The following NAV1 variants were observed in gnomAD, a reference collection of about 807,000 sequenced individuals.
NAV1 encodes pore membrane and/or filament interacting like protein 3.
In NAV1, 18 loss-of-function variants were observed where a neutral mutation model predicts 175.2. The observed-to-expected ratio is 0.10, with a 90% CI of 0.07 to 0.15. The LOEUF is 0.15. NAV1 is among the 10% of genes least tolerant of loss of function. The probability of loss-of-function intolerance (pLI) is 1.00; values close to 1 mark genes in which losing one functional copy is unlikely to be tolerated. For missense variants in NAV1, 1,731 were observed against 2,436.6 expected, an observed-to-expected ratio of 0.71 and a Z score of 6.10; for synonymous variants, 897 against 978.7, an observed-to-expected ratio of 0.92 and a Z score of 1.56.
At chr1:201,576,919 C>G (rs1666707874) in intron 1 of NAV1, among the ~76,000 whole-genome samples, 1 of 152,188 alleles carries the variant, frequency 6.6e-6, no homozygotes, top group Non-Finnish European at 1.5e-5. Context: ...CTTATTTAGA[C>G]ATCTCTTTGG....
chr1:201,608,146 T>C (rs1235587397), intron 2 of NAV1, among the ~76,000 whole-genome samples: 2 of 152,200 alleles, frequency 1.3e-5, no homozygotes, highest in African/African-American at 4.8e-5. Context: ...TTTCCACCTC[T>C]ACAGCAATTC....
chr1:201,616,540 T>A (rs953170437), intron 2 of NAV1, among the ~76,000 whole-genome samples: 3 of 151,990 alleles, frequency 2.0e-5, no homozygotes, highest in Non-Finnish European at 4.4e-5. Flanking sequence ...CAGGCTGGAG[T>A]GCAATAGCGC....
chr1:201,807,701 T>C lies in NAV1; in HGVS notation c.3649-252T>C, dbSNP rs1678389079. On this transcript the variant is annotated intron_variant, in intron 17 of 29. Coordinates refer to ENST00000367296, the Ensembl canonical transcript of NAV1. This position sits in a 1 kb window ranked among gnomAD's most constrained non-coding sequence, Gnocchi z 5.4. ...TTTCTTTCTTTCTTTTGAGATGGAG[T>C]CTCACTCTGTTGCCAGGCTGGAGTG... Among the ~76,000 whole-genome samples the C allele has an allele frequency of 6.6e-6, 1 of 152,098 alleles. No homozygotes were observed. Among genetic ancestry groups the C allele is most frequent in the Admixed American group, 6.5e-5 (1 of 15,270 alleles).
chr1:201,807,961 T>C lies in NAV1; in HGVS notation c.3657T>C (p.Ser1219=). 6.2e-7 allele frequency: 1 copy of C among 1,614,152 alleles called. No homozygotes were observed. The highest frequency in any genetic ancestry group is 1.7e-4 in the Middle Eastern group (1 of 6,058). ...GATCTGCTTTTTTCTAGCTTCGAAG[T>C]TCCTTCAACAAAGCGTTCAGTATAA... is the stretch of plus-strand genomic sequence containing the variant. The change falls in exon 18 of 30, where the codon AGT becomes AGC. Residue 1219 remains serine, a synonymous_variant. Transcript: ENST00000367296. The surrounding 1 kb of genome is among the most constrained non-coding windows in gnomAD (Gnocchi z 5.4).
At chr1:201,582,600 G>C (rs1666899647) in intron 1 of NAV1, among the ~76,000 whole-genome samples, 1 of 152,224 alleles carries the variant, frequency 6.6e-6, no homozygotes, top group Admixed American at 6.5e-5. Context: ...GAAGAGCTGG[G>C]GAATGGTGAG....
intron 15 of NAV1, chr1:201,798,695 C>CTTTTTTTTTTTTTTT (rs764483919): frequency 5.8e-5 from 4 of 69,476 alleles, no homozygotes; most frequent in African/African-American, 1.2e-4. Context: ...TTTTCTCTCT[C>CTTTTTTTTTTTTTTT]TTTTTTTTTT....
At chr1:201,707,229 G>A (rs1671706706) in intron 1 of NAV1, among the ~76,000 whole-genome samples, 1 of 152,168 alleles carries the variant, frequency 6.6e-6, no homozygotes, top group Non-Finnish European at 1.5e-5. Context: ...CTCCAGGGGT[G>A]TGCACCACGC....
chr1:201,668,938 C>CG (rs1669936863), intron 1 of NAV1, among the ~76,000 whole-genome samples: 1 of 152,210 alleles, frequency 6.6e-6, no homozygotes, highest in East Asian at 1.9e-4. Context: ...GAAACAGCAT[C>CG]GGGTCCTTGG....
chr1:201,742,110 G>A (rs1425713684), intron 3 of NAV1, among the ~76,000 whole-genome samples: 6 of 152,140 alleles, frequency 3.9e-5, no homozygotes, highest in African/African-American at 1.4e-4. Flanking sequence ...GTCATTCCTC[G>A]AATTGCCACA....
intron 1 of NAV1, among the ~76,000 whole-genome samples, chr1:201,695,235 C>CT (rs1347006414): frequency 2.0e-5 from 3 of 152,232 alleles, no homozygotes; most frequent in Non-Finnish European, 4.4e-5. Context: ...GAGCCATGCT[C>CT]TCCCCATGCC....
chr1:201,805,504 CACTG>C (rs1321421816), intron 17 of NAV1, among the ~76,000 whole-genome samples: 3 of 152,180 alleles, frequency 2.0e-5, no homozygotes, highest in African/African-American at 7.2e-5. Flanking sequence ...TTAGCTAGAG[CACTG>C]ACTGAGTAGG....
In NAV1 at chr1:201,653,175, C is replaced by T. The variant is rs1325746987; in HGVS notation, c.757+3750C>T. Reference sequence around the variant, plus strand: ...GGGGACTGTCTGTACTATAGTAACACCCCAAATCTTCCTACCTCATCTTCC... The same window carrying T: ...GGGGACTGTCTGTACTATAGTAACATCCCAAATCTTCCTACCTCATCTTCC... On this transcript the variant is annotated intron_variant, in intron 1 of 29. Transcript: ENST00000367296. 5.3e-5 allele frequency among the ~76,000 whole-genome samples: 8 copies of T among 152,282 alleles called. No individual in the cohort carries two copies. The East Asian group carries it at 1.5e-3, about 29-fold the overall frequency.
At chr1:201,770,970 C>T (rs1464307415) in intron 3 of NAV1, among the ~76,000 whole-genome samples, 1 of 152,048 alleles carries the variant, frequency 6.6e-6, no homozygotes, top group African/African-American at 2.4e-5. Context: ...AGAGAAAGAC[C>T]CCCTCCAAAG....
At chr1:201,614,900 A>T (rs1331251505) in intron 2 of NAV1, among the ~76,000 whole-genome samples, 1 of 152,246 alleles carries the variant, frequency 6.6e-6, no homozygotes, top group Non-Finnish European at 1.5e-5. Flanking sequence ...AACTTATAGA[A>T]CAATTACAAG....
rs889454403 is a variant in NAV1 at position 201,813,166 on chromosome 1, A to G, written c.5248A>G (p.Ile1750Val). The change falls in exon 28 of 30, where the codon ATT becomes GTT. Residue 1750 changes from isoleucine (I) to valine (V), a missense_variant. Around this residue, in one of 13 missense-constraint regions of NAV1, gnomAD observed 30 missense variants for 97.3 expected, o/e 0.31. Coordinates refer to ENST00000367296, the Ensembl canonical transcript of NAV1. The surrounding 1 kb of genome is among the most constrained non-coding windows in gnomAD (Gnocchi z 4.2). ...CCCTTGCTTCTTTCTGTCGTGTCCCATTGGCATTGAGGACTTCCGGACCTG... is the reference window on the plus strand; with the variant it reads ...CCCTTGCTTCTTTCTGTCGTGTCCCGTTGGCATTGAGGACTTCCGGACCTG... The G allele has an allele frequency of 6.2e-7, 1 of 1,613,926 alleles. No individual in the cohort carries two copies. Among genetic ancestry groups the G allele is most frequent in the Non-Finnish European group, 8.5e-7 (1 of 1,179,978 alleles).
intron 1 of NAV1, among the ~76,000 whole-genome samples, chr1:201,562,171 A>ATTTTTTTTTTTTTTTTTTTTTTTT (rs566214709): frequency 7.9e-6 from 1 of 127,272 alleles, no homozygotes; most frequent in African/African-American, 3.2e-5. Flanking sequence ...TGCCTGGCTA[A>ATTTTTTTTTTTTTTTTTTTTTTTT]TTTTTTTTTT....
intron 1 of NAV1, among the ~76,000 whole-genome samples, chr1:201,660,793 C>T (rs1222517745): frequency 6.6e-6 from 1 of 152,188 alleles, no homozygotes; most frequent in Non-Finnish European, 1.5e-5. Context: ...TGACAACCCT[C>T]ACAGGTTTCA....
chr1:201,702,530 C>A (rs1366293170), intron 1 of NAV1, among the ~76,000 whole-genome samples: 1 of 152,088 alleles, frequency 6.6e-6, no homozygotes, highest in African/African-American at 2.4e-5. Flanking sequence ...ACCACCATGC[C>A]AAGCTCATTT....
chr1:201,653,351 T>C (rs953912801), intron 1 of NAV1, among the ~76,000 whole-genome samples: 1 of 152,210 alleles, frequency 6.6e-6, no homozygotes, highest in Non-Finnish European at 1.5e-5. Flanking sequence ...CTGGACTTCC[T>C]AGTCCCTCTT....
Sources: allele counts gnomAD v4.1 joint callset (sites outside exome capture counted in the v4.1 genomes callset), GRCh38; gene constraint gnomAD v4.1.1; regional missense constraint gnomAD v4.1.1; non-coding constraint Gnocchi (gnomAD v3.1); transcripts MANE v1.5; gene names NCBI Gene and HGNC (gene_info 2026-07-23, HGNC 2026-07-21).